Variants in KCNC1 observed in about 807,000 individuals in gnomAD.
KCNC1 encodes the protein voltage-gated potassium channel KCNC1.
KCNC1 carries 8 observed loss-of-function variants against 43.4 expected under a neutral mutation model. The ratio of observed to expected loss-of-function variants is 0.18; its 90% CI spans 0.11 to 0.33. KCNC1 has a LOEUF of 0.33. Among genes scored for constraint, KCNC1 ranks in the 10% least tolerant of loss-of-function variants. KCNC1 has a pLI of 1.00. For missense variants in KCNC1, 420 were observed against 836.0 expected, an observed-to-expected ratio of 0.50 and a Z score of 6.14; for synonymous variants, 361 against 360.5, an observed-to-expected ratio of 1.00 and a Z score of -0.01.
intron 1 of KCNC1, among the ~76,000 whole-genome samples, chr11:17,737,136 G>A (rs775531950): frequency 3.9e-5 from 6 of 152,020 alleles, no homozygotes; most frequent in African/African-American, 1.4e-4. Context: ...AGCAGCCTCC[G>A]GCAATTTTGA....
chr11:17,765,958 G>C (rs950499705), intron 1 of KCNC1: 5 of 152,758 alleles, frequency 3.3e-5, no homozygotes, highest in Admixed American at 2.6e-4. Context: ...TAATCCGGGA[G>C]ATGGCAGCCT....
chr11:17,775,779 G>T (rs1352723604), intron 2 of KCNC1: 3 of 985,818 alleles, frequency 3.0e-6, no homozygotes, highest in Non-Finnish European at 3.6e-6. Flanking sequence ...GGTGGAGGGG[G>T]TGGTGGTGGC....
intron 1 of KCNC1, among the ~76,000 whole-genome samples, chr11:17,754,694 G>T (rs1849005133): frequency 6.6e-6 from 1 of 152,146 alleles, no homozygotes; most frequent in Non-Finnish European, 1.5e-5. Context: ...GGGTCTTTGA[G>T]GCAGGGCCAC....
At chr11:17,743,908 A>T (rs1848869955) in intron 1 of KCNC1, among the ~76,000 whole-genome samples, 1 of 152,154 alleles carries the variant, frequency 6.6e-6, no homozygotes, top group Admixed American at 6.5e-5. Context: ...AGTGAGGGGT[A>T]TGCACTGGGC....
rs1181647988 is a variant in KCNC1 at position 17,773,438 on chromosome 11, G to A, written c.1504+840G>A. ...CACCCTGGGCAGCTTAGATGAAAGC[G>A]CTACAGACCAGCAACAGCCTCCCAC... On this transcript the variant is annotated intron_variant, in intron 2 of 3. Transcript: ENST00000265969. The surrounding 1 kb of genome is among the most constrained non-coding windows in gnomAD (Gnocchi z 4.1). The A allele has an allele frequency of 7.1e-6, 7 of 985,092 alleles. No homozygotes were observed. Among genetic ancestry groups the A allele is most frequent in the Non-Finnish European group, 4.8e-6 (4 of 829,912 alleles). 61.0% of individuals were successfully genotyped at this position (985,092 alleles called of 1,614,324 possible). A position where few individuals can be genotyped will look rare whatever the true frequency, so the allele number is the denominator to read the frequency against.
intron 1 of KCNC1, among the ~76,000 whole-genome samples, chr11:17,747,625 G>A (rs774383816): frequency 3.9e-5 from 6 of 152,168 alleles, no homozygotes; most frequent in Non-Finnish European, 7.4e-5. Context: ...CCAGGCCGAC[G>A]CCAGCCTGGG....
At position 17,772,045 on chromosome 11, in the gene KCNC1, CATCTTGCG is replaced by C; in HGVS notation, c.952_959del (p.Ile318HisfsTer3). On this transcript the variant is annotated frameshift_variant, in exon 2 of 4. Transcript: ENST00000265969. LOFTEE classifies it high-confidence loss of function. ...TCCTGCGCGTCGTCCGCTTCGTGCG[CATCTTGCG>C]CATCTTTAAGCTGACCCGCCACTTT... 1 of 1,611,986 alleles carries C rather than the reference CATCTTGCG, an allele frequency of 6.2e-7. No homozygotes were observed. The highest frequency in any genetic ancestry group is 8.5e-7 in the Non-Finnish European group (1 of 1,179,706).
At chr11:17,748,959 A>G (rs777228728) in intron 1 of KCNC1, among the ~76,000 whole-genome samples, 5 of 152,096 alleles carry the variant, frequency 3.3e-5, no homozygotes, top group Admixed American at 6.5e-5. Context: ...TTGGTGAGGG[A>G]GACAGAGGGT....
chr11:17,754,592 C>T (rs183925994), intron 1 of KCNC1, among the ~76,000 whole-genome samples: 8 of 152,340 alleles, frequency 5.3e-5, no homozygotes, highest in East Asian at 1.9e-4. Context: ...CCCATGTCCA[C>T]GACCTTCTTT....
chr11:17,781,786 T>A lies in KCNC1; in HGVS notation c.*52T>A. 1 of 1,254,886 alleles carries A rather than the reference T, an allele frequency of 8.0e-7. No individual in the cohort carries two copies. The highest frequency in any genetic ancestry group is 1.1e-6 in the Non-Finnish European group (1 of 876,340). 77.7% of individuals were successfully genotyped at this position (1,254,886 alleles called of 1,614,324 possible). On this transcript the variant is annotated 3_prime_UTR_variant, in exon 4 of 4. Coordinates refer to ENST00000265969, the MANE Select transcript of KCNC1 (RefSeq NM_001112741.2). The surrounding 1 kb of genome is among the most constrained non-coding windows in gnomAD (Gnocchi z 5.1). ...TGGCTATTAAGCATCTGGGTGGACCTGCAGCCCCTCCTCACCCTCGGACAG... is the reference window on the plus strand; with the variant it reads ...TGGCTATTAAGCATCTGGGTGGACCAGCAGCCCCTCCTCACCCTCGGACAG...
chr11:17,772,932 G>C (rs1350729385), intron 2 of KCNC1: 1 of 1,193,432 alleles, frequency 8.4e-7, no homozygotes, highest in East Asian at 4.3e-5. Context: ...GCAGGAGTCC[G>C]GTGTGAGTCT....
At chr11:17,763,195 C>G (rs750394287) in intron 1 of KCNC1, among the ~76,000 whole-genome samples, 4 of 152,064 alleles carry the variant, frequency 2.6e-5, no homozygotes, top group African/African-American at 4.8e-5. Context: ...TGGCTCTCCC[C>G]CTTCTCAGAT....
intron 1 of KCNC1, among the ~76,000 whole-genome samples, chr11:17,758,609 A>G (rs1389773902): frequency 6.6e-6 from 1 of 152,226 alleles, no homozygotes; most frequent in Non-Finnish European, 1.5e-5. Flanking sequence ...GGGCTTCAGA[A>G]TGGGTGCTGA....
At chr11:17,758,213 A>C (rs1849042091) in intron 1 of KCNC1, among the ~76,000 whole-genome samples, 1 of 152,234 alleles carries the variant, frequency 6.6e-6, no homozygotes, top group Admixed American at 6.5e-5. Flanking sequence ...GCTTATCCAT[A>C]AGAAGCAACT....
At chr11:17,757,781 T>A (rs955667741) in intron 1 of KCNC1, among the ~76,000 whole-genome samples, 1 of 152,238 alleles carries the variant, frequency 6.6e-6, no homozygotes, top group African/African-American at 2.4e-5. Flanking sequence ...AAAATGTACA[T>A]ATCTTAATTT....
At chr11:17,753,948 C>G (rs1263323293) in intron 1 of KCNC1, among the ~76,000 whole-genome samples, 1 of 152,242 alleles carries the variant, frequency 6.6e-6, no homozygotes, top group Non-Finnish European at 1.5e-5. Flanking sequence ...ATCATGAGCG[C>G]CTTCAGCTGG....
At position 17,773,995 on chromosome 11, in the gene KCNC1, C is replaced by T. The variant is rs926075363; in HGVS notation, c.1504+1397C>T. On this transcript the variant is annotated intron_variant, in intron 2 of 3. Transcript: ENST00000265969. This position sits in a 1 kb window ranked among gnomAD's most constrained non-coding sequence, Gnocchi z 4.1. ...TGATTGATTTTCTTCCCTGCTATCGCGCTCTCTGACCCACCACCCCATCCC... is the reference window on the plus strand; with the variant it reads ...TGATTGATTTTCTTCCCTGCTATCGTGCTCTCTGACCCACCACCCCATCCC... 29 of 985,384 alleles carry T rather than the reference C, an allele frequency of 2.9e-5. No individual in the cohort carries two copies. Among genetic ancestry groups the T allele is most frequent in the African/African-American group, 1.2e-4 (7 of 57,238 alleles). 61.0% of individuals were successfully genotyped at this position (985,384 alleles called of 1,614,324 possible). A position where few individuals can be genotyped will look rare whatever the true frequency, so the allele number is the denominator to read the frequency against.
At chr11:17,764,571 C>T (rs1038747557) in intron 1 of KCNC1, among the ~76,000 whole-genome samples, 1 of 152,188 alleles carries the variant, frequency 6.6e-6, no homozygotes, top group African/African-American at 2.4e-5. Context: ...GCCACACAGC[C>T]GTGTTCCTGG....
intron 1 of KCNC1, among the ~76,000 whole-genome samples, chr11:17,763,516 G>A (rs1317296395): frequency 1.2e-4 from 17 of 136,092 alleles, no homozygotes; most frequent in African/African-American, 3.9e-4. Context: ...CCCCACGCAC[G>A]CAATGCACAC....
Sources: allele counts gnomAD v4.1 joint callset (sites outside exome capture counted in the v4.1 genomes callset), GRCh38; gene constraint gnomAD v4.1.1; non-coding constraint Gnocchi (gnomAD v3.1); transcripts MANE v1.5; gene names NCBI Gene and HGNC (gene_info 2026-07-23, HGNC 2026-07-21).